RNF152: variants seen among roughly 807,000 people sequenced by gnomAD.
The protein encoded by RNF152 is ring finger protein 152, also known as E3 ubiquitin-protein ligase RNF152.
Under a neutral mutation model 12.7 loss-of-function variants are expected in RNF152, and 11 were observed. The ratio of observed to expected loss-of-function variants is 0.86; its 90% CI spans 0.54 to 1.43. The LOEUF (loss-of-function observed/expected upper bound fraction) is 1.43. Ranked by LOEUF, RNF152 falls within the 40% of genes most tolerant of loss-of-function variation. RNF152 has a pLI of 0.00. For missense variants in RNF152, 255 were observed against 274.8 expected (o/e 0.93, Z 0.51); for synonymous variants, 113 against 120.3 (o/e 0.94, Z 0.40).
At chr18:61,860,876 T>C (rs1264054575) in intron 1 of RNF152, among the ~76,000 whole-genome samples, 5 of 152,212 alleles carry the variant, frequency 3.3e-5, no homozygotes, top group Admixed American at 6.5e-5. Context: ...CTAATGTGTG[T>C]ATTTGTGTTT....
In RNF152 at chr18:61,815,909, G is replaced by A. The variant is rs368994028; in HGVS notation, c.555C>T (p.Ile185=). The A allele has an allele frequency of 2.5e-5, 41 of 1,614,052 alleles. No homozygotes were observed. The highest frequency in any genetic ancestry group is 3.2e-5 in the Non-Finnish European group (38 of 1,180,054). Residue 185 remains isoleucine (I), a synonymous_variant, in exon 2 of 2, where the codon ATC becomes ATT. Transcript: ENST00000312828. The part of the protein sequence containing the change: ...VACVLVFLLG[I]VLHNMSCISK... ...AAATGCAAGACATGTTGTGAAGCAC[G>A]ATGCCGAGGAGGAAGACCAAGACGC...
intron 1 of RNF152, among the ~76,000 whole-genome samples, chr18:61,890,819 T>C (rs4941082): frequency 0.46 from 70,440 of 151,574 alleles, 16,755 homozygotes; most frequent in East Asian, 0.75. Context: ...CCCTCAACAA[T>C]GTAAGGACCG....
chr18:61,889,240 A>C (rs1472641232), intron 1 of RNF152, among the ~76,000 whole-genome samples: 1 of 152,216 alleles, frequency 6.6e-6, no homozygotes, highest in African/African-American at 2.4e-5. Flanking sequence ...TTGGAGACTA[A>C]CATAGTTTAC....
intron 1 of RNF152, among the ~76,000 whole-genome samples, chr18:61,830,248 A>T (rs1172077417): frequency 6.7e-6 from 1 of 150,262 alleles, no homozygotes; most frequent in East Asian, 2.0e-4. Flanking sequence ...CTGGTCTTGA[A>T]CTCCTCACCT....
In RNF152 at chr18:61,850,428, T is replaced by C. The variant is rs143794849; in HGVS notation, c.-135-33830A>G. 7.7e-3 allele frequency among the ~76,000 whole-genome samples: 1,170 copies of C among 152,326 alleles called. 7 individuals carry two copies. The highest frequency in any genetic ancestry group is 0.014 in the Middle Eastern group (4 of 294). ...GACAAAACAAAATTTCTTTGAGCAC[T>C]TGCTAGAATTATTCTATACCCTTAA... On this transcript the variant is annotated intron_variant, in intron 1 of 1. Coordinates refer to ENST00000312828, the MANE Select transcript of RNF152 (RefSeq NM_173557.3).
chr18:61,827,261 A>G (rs1909712791), intron 1 of RNF152, among the ~76,000 whole-genome samples: 1 of 152,256 alleles, frequency 6.6e-6, no homozygotes, highest in African/African-American at 2.4e-5. Flanking sequence ...GCAGTATCAT[A>G]CGGTGGGTCA....
At chr18:61,883,505 G>C (rs954898586) in intron 1 of RNF152, among the ~76,000 whole-genome samples, 13 of 152,082 alleles carry the variant, frequency 8.5e-5, no homozygotes, top group Non-Finnish European at 1.5e-5. Context: ...TAGGATGGTT[G>C]TATCTCTACT....
At chr18:61,878,153 T>C (rs1912299351) in intron 1 of RNF152, among the ~76,000 whole-genome samples, 1 of 152,178 alleles carries the variant, frequency 6.6e-6, no homozygotes, top group Admixed American at 6.5e-5. Context: ...TGGCCCCACC[T>C]AGGTACAGAA....
chr18:61,820,612 A>C (rs1909356326), intron 1 of RNF152, among the ~76,000 whole-genome samples: 1 of 151,778 alleles, frequency 6.6e-6, no homozygotes, highest in Non-Finnish European at 1.5e-5. Flanking sequence ...AATTTTACAG[A>C]CTCCTGCAAT....
intron 1 of RNF152, among the ~76,000 whole-genome samples, chr18:61,841,712 C>T (rs1217711722): frequency 2.0e-5 from 3 of 152,232 alleles, no homozygotes; most frequent in Non-Finnish European, 4.4e-5. Context: ...GGAGTGCAAT[C>T]ACTTAAGCCT....
intron 1 of RNF152, among the ~76,000 whole-genome samples, chr18:61,838,433 T>A (rs549337173): frequency 6.6e-6 from 1 of 152,284 alleles, no homozygotes; most frequent in Non-Finnish European, 1.5e-5. Context: ...CATCCTCCCA[T>A]TTTGGATCTG....
At chr18:61,845,928 C>G (rs9963954) in intron 1 of RNF152, among the ~76,000 whole-genome samples, 61,564 of 144,982 alleles carry the variant, frequency 0.42, 12,720 homozygotes, top group Non-Finnish European at 0.46. Context: ...TGTGGGGGGG[C>G]GTGGTGATGA....
chr18:61,891,748 G>A (rs1418933401), intron 1 of RNF152, among the ~76,000 whole-genome samples: 1 of 152,196 alleles, frequency 6.6e-6, no homozygotes, highest in African/African-American at 2.4e-5. Context: ...TACATTGGAG[G>A]TGAATAATAA....
At chr18:61,877,642 G>C (rs1368084914) in intron 1 of RNF152, among the ~76,000 whole-genome samples, 1 of 152,102 alleles carries the variant, frequency 6.6e-6, no homozygotes, top group Admixed American at 6.5e-5. Context: ...AAAATTATTA[G>C]GGTGGTAGGA....
intron 1 of RNF152, among the ~76,000 whole-genome samples, chr18:61,867,979 T>C (rs1024295041): frequency 6.6e-6 from 1 of 152,180 alleles, no homozygotes; most frequent in East Asian, 1.9e-4. Flanking sequence ...AACAATATAT[T>C]AAATCAATTT....
chr18:61,887,118 C>G (rs1424898324), intron 1 of RNF152, among the ~76,000 whole-genome samples: 1 of 152,176 alleles, frequency 6.6e-6, no homozygotes, highest in East Asian at 1.9e-4. Flanking sequence ...TAAAGTCAGG[C>G]GGAGCAAAAG....
intron 1 of RNF152, among the ~76,000 whole-genome samples, chr18:61,847,198 C>CA (rs1169285969): frequency 1.3e-5 from 2 of 151,364 alleles, no homozygotes; most frequent in Non-Finnish European, 1.5e-5. Context: ...GAGAACAACA[C>CA]AAAAAAAGAG....
intron 1 of RNF152, among the ~76,000 whole-genome samples, chr18:61,822,149 G>A (rs1009050129): frequency 2.9e-4 from 44 of 152,260 alleles, no homozygotes; most frequent in South Asian, 6.2e-4. Context: ...CAATTTATTT[G>A]AGAAAAACTT....
chr18:61,820,432 A>G (rs1909345928), intron 1 of RNF152, among the ~76,000 whole-genome samples: 1 of 151,788 alleles, frequency 6.6e-6, no homozygotes, highest in Non-Finnish European at 1.5e-5. Flanking sequence ...AAAACAAAAT[A>G]CAGGGTTCGT....
Sources: gnomAD v4.1 joint callset for allele counts (sites outside exome capture counted in the v4.1 genomes callset) on GRCh38, gnomAD v4.1.1 for gene constraint, MANE v1.5 for transcripts, NCBI Gene and HGNC (gene_info 2026-07-23, HGNC 2026-07-21) for gene names.